The following PDZRN4 variants were observed in gnomAD, a reference collection of about 807,000 sequenced individuals.
PDZRN4 encodes PDZ domain containing ring finger 4, also known as PDZ domain-containing RING finger protein 4.
A neutral mutation model predicts 99.0 loss-of-function variants in PDZRN4; 70 were observed. The observed-to-expected ratio is 0.71, with a 90% CI of 0.58 to 0.86. PDZRN4 has a LOEUF of 0.86. PDZRN4 is among the 40% of genes least tolerant of loss of function. PDZRN4 has a pLI of 0.00. For missense variants in PDZRN4, 1,474 were observed against 1,331.2 expected (o/e 1.11, Z -1.67); for synonymous variants, 551 against 501.6 (o/e 1.10, Z -1.32).
chr12:41,505,357 C>T (rs931966142), intron 3 of PDZRN4, among the ~76,000 whole-genome samples: 1 of 152,068 alleles, frequency 6.6e-6, no homozygotes, highest in Non-Finnish European at 1.5e-5. Flanking sequence ...CCAGCATTAT[C>T]GATTCATCTG....
intron 3 of PDZRN4, among the ~76,000 whole-genome samples, chr12:41,433,338 G>A (rs537026453): frequency 7.2e-5 from 11 of 152,256 alleles, no homozygotes; most frequent in South Asian, 6.2e-4. Flanking sequence ...TTTGTCGTTG[G>A]AAAACTGAGT....
At chr12:41,356,881 T>C (rs1951931524) in intron 3 of PDZRN4, among the ~76,000 whole-genome samples, 1 of 151,934 alleles carries the variant, frequency 6.6e-6, no homozygotes, top group African/African-American at 2.4e-5. Context: ...TATTCTTTTG[T>C]TGGGAAACCT....
At chr12:41,570,471 C>G (rs918337656) in intron 9 of PDZRN4, among the ~76,000 whole-genome samples, 4 of 152,088 alleles carry the variant, frequency 2.6e-5, no homozygotes, top group Non-Finnish European at 5.9e-5. Context: ...ATATGTGAAC[C>G]TACTTTATGG....
intron 3 of PDZRN4, among the ~76,000 whole-genome samples, chr12:41,225,602 C>T (rs1333977458): frequency 6.6e-6 from 1 of 151,876 alleles, no homozygotes; most frequent in Non-Finnish European, 1.5e-5. Context: ...TTACAAAACA[C>T]ACCTATTTTA....
intron 3 of PDZRN4, among the ~76,000 whole-genome samples, chr12:41,444,685 G>T (rs1952709115): frequency 6.6e-6 from 1 of 152,018 alleles, no homozygotes; most frequent in Admixed American, 6.6e-5. Flanking sequence ...CTGGACTAAA[G>T]CTTTTCCTGT....
intron 3 of PDZRN4, among the ~76,000 whole-genome samples, chr12:41,228,143 A>C (rs1443641277): frequency 6.6e-6 from 1 of 152,158 alleles, no homozygotes; most frequent in Non-Finnish European, 1.5e-5. Context: ...TGAATGCCAC[A>C]TCTACTTATT....
intron 3 of PDZRN4, among the ~76,000 whole-genome samples, chr12:41,371,293 A>G (rs1397205959): frequency 2.0e-5 from 3 of 151,864 alleles, no homozygotes; most frequent in Non-Finnish European, 4.4e-5. Flanking sequence ...TTCAAATTAC[A>G]AACTGTATAT....
At chr12:41,443,624 C>T (rs186060927) in intron 3 of PDZRN4, among the ~76,000 whole-genome samples, 6 of 152,088 alleles carry the variant, frequency 3.9e-5, no homozygotes, top group African/African-American at 1.2e-4. Flanking sequence ...CTACAACAAG[C>T]GAAACCAACC....
intron 1 of PDZRN4, 114 bp downstream of exon 1, chr12:41,189,217 G>A (rs1950719398): frequency 2.1e-6 from 2 of 955,232 alleles, no homozygotes; most frequent in South Asian, 1.5e-5. Flanking sequence ...TCACTATGCA[G>A]CAGGAAACAT....
intron 3 of PDZRN4, among the ~76,000 whole-genome samples, chr12:41,204,781 G>A (rs1950837417): frequency 6.6e-6 from 1 of 151,944 alleles, no homozygotes; most frequent in Admixed American, 6.6e-5. Context: ...TGGGGACACA[G>A]CCAAACCATA....
chr12:41,435,549 G>A (rs1486190648), intron 3 of PDZRN4, among the ~76,000 whole-genome samples: 1 of 152,204 alleles, frequency 6.6e-6, no homozygotes, highest in East Asian at 1.9e-4. Context: ...AGCACCTTGG[G>A]AGGCCGAAGC....
chr12:41,221,927 A>G (rs886329292), intron 3 of PDZRN4, among the ~76,000 whole-genome samples: 3 of 152,214 alleles, frequency 2.0e-5, no homozygotes, highest in Admixed American at 6.5e-5. Flanking sequence ...AGAAAAAAAT[A>G]CTAGACAAGG....
intron 3 of PDZRN4, among the ~76,000 whole-genome samples, chr12:41,351,963 A>G (rs1445344816): frequency 2.6e-5 from 3 of 117,580 alleles, no homozygotes; most frequent in African/African-American, 8.1e-5. Context: ...TGGGCAACAA[A>G]GAGAGACCAT....
In PDZRN4 at chr12:41,514,887, A is replaced by G. The variant is rs1031437577; in HGVS notation, c.1203+4974A>G. 3.3e-5 allele frequency among the ~76,000 whole-genome samples: 5 copies of G among 152,254 alleles called. No homozygotes were observed. The South Asian group carries it at 1.0e-3, about 32-fold the overall frequency. ...CAAAGAGGGTGAAAAATAGGGAGAC[A>G]TAAGTAATGTAGTAGAAAGCTAATG... On this transcript the variant is annotated intron_variant, in intron 5 of 9. Transcript: ENST00000402685.
chr12:41,354,822 A>G (rs1196541670), intron 3 of PDZRN4, among the ~76,000 whole-genome samples: 1 of 152,072 alleles, frequency 6.6e-6, no homozygotes, highest in Non-Finnish European at 1.5e-5. Context: ...CCTCCATCAC[A>G]TTCCTGTAGA....
rs565471051 is a variant in PDZRN4 at position 41,298,089 on chromosome 12, T to C, written c.843+103901T>C. On this transcript the variant is annotated intron_variant, in intron 3 of 9. Coordinates refer to ENST00000402685, the MANE Select transcript of PDZRN4 (RefSeq NM_001164595.2). ...AATACAGAAACCAATTTATATTTTCTAGTCTAAACCTATGTTTTAATCTTT... is the reference window on the plus strand; with the variant it reads ...AATACAGAAACCAATTTATATTTTCCAGTCTAAACCTATGTTTTAATCTTT... Among the ~76,000 whole-genome samples the C allele has an allele frequency of 4.6e-5, 7 of 152,290 alleles. No homozygotes were observed. The East Asian group carries it at 1.4e-3, about 29-fold the overall frequency.
intron 5 of PDZRN4, among the ~76,000 whole-genome samples, chr12:41,546,389 G>A (rs144667638): frequency 6.6e-6 from 1 of 152,138 alleles, no homozygotes. Context: ...TTGGTGTAGT[G>A]TATTCTTGGT....
At chr12:41,459,954 C>A in intron 3 of PDZRN4, 1 of 1,277,868 alleles carries the variant, frequency 7.8e-7, no homozygotes, top group Admixed American at 2.4e-5. Flanking sequence ...GTTTCAGGAG[C>A]TGTGACTTGA....
intron 3 of PDZRN4, among the ~76,000 whole-genome samples, chr12:41,222,351 C>G (rs1950960971): frequency 6.6e-6 from 1 of 152,148 alleles, no homozygotes; most frequent in Non-Finnish European, 1.5e-5. Context: ...CCTATTTAGA[C>G]TGCTATCTGC....
Sources: allele counts gnomAD v4.1 joint callset (sites outside exome capture counted in the v4.1 genomes callset), GRCh38; gene constraint gnomAD v4.1.1; transcripts MANE v1.5; gene names NCBI Gene and HGNC (gene_info 2026-07-23, HGNC 2026-07-21).